SUGCT: variants seen among roughly 807,000 people sequenced by gnomAD.
The protein encoded by SUGCT is succinyl-CoA:glutarate-CoA transferase, also known as succinyl-CoA:glutarate CoA-transferase.
In SUGCT, 41 loss-of-function variants were observed where a neutral mutation model predicts 55.0. The observed-to-expected ratio is 0.74, with a 90% CI of 0.58 to 0.97. The LOEUF is 0.97. Ranked by LOEUF, SUGCT falls within the 50% of genes least tolerant of loss-of-function variation. SUGCT has a pLI of 0.00. For synonymous variants in SUGCT, 187 were observed against 200.4 expected, an observed-to-expected ratio of 0.93 and a Z score of 0.56; for missense variants, 568 against 547.8, an observed-to-expected ratio of 1.04 and a Z score of -0.37.
intron 1 of SUGCT, among the ~76,000 whole-genome samples, chr7:40,135,856 C>T (rs1189648588): frequency 6.6e-6 from 1 of 152,178 alleles, no homozygotes. Flanking sequence ...GGGGTTTCGC[C>T]ATATTGGCCA....
At chr7:40,223,182 T>G (rs1436897029) in intron 6 of SUGCT, among the ~76,000 whole-genome samples, 1 of 152,034 alleles carries the variant, frequency 6.6e-6, no homozygotes, top group Non-Finnish European at 1.5e-5. Context: ...TGGCTTAGCC[T>G]CCCAAGTAGC....
At chr7:40,911,689 G>A in the SUGCT span, among the ~76,000 whole-genome samples, 1 of 151,986 alleles carries the variant, frequency 6.6e-6, no homozygotes, top group Admixed American at 6.6e-5. Flanking sequence ...ATATACACTA[G>A]ATGCCAGTAA....
At chr7:40,170,022 G>A (rs1326355678) in intron 1 of SUGCT, among the ~76,000 whole-genome samples, 1 of 152,122 alleles carries the variant, frequency 6.6e-6, no homozygotes, top group Non-Finnish European at 1.5e-5. Flanking sequence ...TGTTATAGTG[G>A]ACATCATTGA....
At chr7:40,183,747 T>C (rs1343151183) in intron 3 of SUGCT, among the ~76,000 whole-genome samples, 2 of 152,208 alleles carry the variant, frequency 1.3e-5, no homozygotes, top group African/African-American at 4.8e-5. Flanking sequence ...TCATCTGACA[T>C]CTTTCCTGTT....
At chr7:40,687,996 A>T (rs2128647179) in intron 12 of SUGCT, among the ~76,000 whole-genome samples, 1 of 152,306 alleles carries the variant, frequency 6.6e-6, no homozygotes. Flanking sequence ...TTTACCATGG[A>T]AGCAGTTTGT....
At chr7:40,512,782 A>G (rs1473226404) in intron 12 of SUGCT, among the ~76,000 whole-genome samples, 1 of 152,046 alleles carries the variant, frequency 6.6e-6, no homozygotes, top group Non-Finnish European at 1.5e-5. Context: ...AAATATGAGA[A>G]ACTCAGGTTG....
chr7:40,303,121 C>A (rs547109079), intron 8 of SUGCT, among the ~76,000 whole-genome samples: 1 of 152,046 alleles, frequency 6.6e-6, no homozygotes, highest in African/African-American at 2.4e-5. Context: ...GCAACCTCCG[C>A]CTCCCGAGTT....
chr7:40,331,302 T>G (rs1160928229), intron 9 of SUGCT, among the ~76,000 whole-genome samples: 1 of 152,208 alleles, frequency 6.6e-6, no homozygotes, highest in African/African-American at 2.4e-5. Context: ...GCTGAATTTT[T>G]TTTTCCTTTT....
intron 13 of SUGCT, among the ~76,000 whole-genome samples, chr7:40,780,107 CCTT>C (rs1188619113): frequency 6.6e-6 from 1 of 152,154 alleles, no homozygotes; most frequent in Non-Finnish European, 1.5e-5. Context: ...CTGTTGCCCT[CCTT>C]TGCTTTTGTC....
chr7:40,522,724 T>C (rs1472173350), intron 12 of SUGCT, among the ~76,000 whole-genome samples: 3 of 152,124 alleles, frequency 2.0e-5, no homozygotes, highest in Non-Finnish European at 2.9e-5. Context: ...TAGTTTTAAC[T>C]GTTGAGTAGA....
intron 9 of SUGCT, among the ~76,000 whole-genome samples, chr7:40,438,889 C>T (rs1788317129): frequency 6.6e-6 from 1 of 150,990 alleles, no homozygotes; most frequent in African/African-American, 2.4e-5. Context: ...GGAGTCAAGA[C>T]CTAAGGGCTT....
At chr7:40,605,380 C>T (rs756306346) in intron 12 of SUGCT, among the ~76,000 whole-genome samples, 2 of 152,222 alleles carry the variant, frequency 1.3e-5, no homozygotes, top group Non-Finnish European at 2.9e-5. Context: ...CCTAGTAACT[C>T]ACTCTTTCCA....
chr7:40,777,905 G>GACTCTTCC, intron 13 of SUGCT, among the ~76,000 whole-genome samples: 1 of 152,260 alleles, frequency 6.6e-6, no homozygotes, highest in Non-Finnish European at 1.5e-5. Context: ...TCCTCTGCCT[G>GACTCTTCC]ACTCTTCCCT....
the SUGCT span, among the ~76,000 whole-genome samples, chr7:40,960,048 T>C: frequency 6.6e-6 from 1 of 151,972 alleles, no homozygotes; most frequent in Middle Eastern, 3.2e-3. Context: ...GTACCTCAGT[T>C]GGAAATGCAG....
chr7:41,010,208 T>C, the SUGCT span, among the ~76,000 whole-genome samples: 2 of 152,216 alleles, frequency 1.3e-5, no homozygotes, highest in Non-Finnish European at 2.9e-5. Context: ...TTAAGTACAT[T>C]GATTGCTTGT....
At chr7:40,921,716 C>T in the SUGCT span, among the ~76,000 whole-genome samples, 2 of 152,148 alleles carry the variant, frequency 1.3e-5, no homozygotes, top group East Asian at 1.9e-4. Flanking sequence ...TACCAACCCC[C>T]GGGGGTGGTG....
chr7:40,322,602 C>G (rs1020512280), intron 9 of SUGCT, among the ~76,000 whole-genome samples: 4 of 152,066 alleles, frequency 2.6e-5, no homozygotes, highest in African/African-American at 9.7e-5. Context: ...ATAGTGTTGC[C>G]CTCATGACAG....
chr7:40,678,874 G>A (rs1004549264), intron 12 of SUGCT, among the ~76,000 whole-genome samples: 5 of 152,132 alleles, frequency 3.3e-5, no homozygotes, highest in African/African-American at 7.2e-5. Context: ...CTACTATTGC[G>A]AAGTGTTATT....
intron 1 of SUGCT, among the ~76,000 whole-genome samples, chr7:40,137,771 C>T (rs902769223): frequency 5.9e-5 from 9 of 152,056 alleles, no homozygotes; most frequent in African/African-American, 1.9e-4. Context: ...ACCTCTGCCT[C>T]TCTGGGCTCA....
Sources: gnomAD v4.1 joint callset for allele counts (sites outside exome capture counted in the v4.1 genomes callset) on GRCh38, gnomAD v4.1.1 for gene constraint, MANE v1.5 for transcripts, NCBI Gene and HGNC (gene_info 2026-07-23, HGNC 2026-07-21) for gene names.